NAT1: variants seen among roughly 807,000 people sequenced by gnomAD.
NAT1 encodes N-acetyltransferase 1, also known as arylamine N-acetyltransferase 1.
For synonymous variants in NAT1, 144 were observed against 122.6 expected, an observed-to-expected ratio of 1.17 and a Z score of -1.16; for missense variants, 400 against 339.2, an observed-to-expected ratio of 1.18 and a Z score of -1.41.
chr8:18,199,340 T>G (rs1803368691), intron 2 of NAT1, among the ~76,000 whole-genome samples: 1 of 150,910 alleles, frequency 6.6e-6, no homozygotes, highest in South Asian at 2.1e-4. Flanking sequence ...AAAAAAAAAT[T>G]TTTTTGTTTG....
chr8:18,178,339 T>A (rs1384220345), intron 2 of NAT1, among the ~76,000 whole-genome samples: 1 of 152,164 alleles, frequency 6.6e-6, no homozygotes, highest in Non-Finnish European at 1.5e-5. Context: ...CTACTGAACA[T>A]AAGTCAAAAG....
At chr8:18,210,232 A>T (rs1487865059) in intron 1 of NAT1, 52 bp downstream of exon 1, 1 of 151,974 alleles carries the variant, frequency 6.6e-6, no homozygotes, top group Non-Finnish European at 1.5e-5. Context: ...TCCTATCTCA[A>T]CTGTGAGTAC....
chr8:18,175,249 T>G (rs1802251718), intron 2 of NAT1, among the ~76,000 whole-genome samples: 1 of 152,062 alleles, frequency 6.6e-6, no homozygotes, highest in South Asian at 2.1e-4. Flanking sequence ...TTTTAGCAAT[T>G]ATGAAATATA....
intron 2 of NAT1, among the ~76,000 whole-genome samples, chr8:18,184,896 T>G (rs1370747330): frequency 6.6e-6 from 1 of 152,238 alleles, no homozygotes; most frequent in Non-Finnish European, 1.5e-5. Context: ...TGCAAAATTC[T>G]ATGACATTTT....
intron 2 of NAT1, among the ~76,000 whole-genome samples, chr8:18,203,723 A>T (rs998197515): frequency 6.6e-6 from 1 of 152,208 alleles, no homozygotes; most frequent in African/African-American, 2.4e-5. Context: ...TACCCTTTAT[A>T]GCCGTCCTTG....
At chr8:18,188,504 A>C (rs541256885) in intron 2 of NAT1, among the ~76,000 whole-genome samples, 2 of 152,280 alleles carry the variant, frequency 1.3e-5, no homozygotes, top group South Asian at 2.1e-4. Flanking sequence ...CTCAAGTTTA[A>C]GTCAAAAAAA....
chr8:18,189,332 AATCT>A (rs1451695654), intron 2 of NAT1, among the ~76,000 whole-genome samples: 1 of 152,162 alleles, frequency 6.6e-6, no homozygotes, highest in Non-Finnish European at 1.5e-5. Context: ...TTATGTTTGT[AATCT>A]GCTTTAATCA....
rs574216723 is a variant in NAT1, at chr8:18,171,064, G to C, written n.92+325G>C. On this transcript the variant is annotated intron_variant and non_coding_transcript_variant, in intron 2 of 4. Coordinates refer to the NAT1 transcript ENST00000517441. ...TGGGGTAGGTAATTTTGATCTTTTC[G>C]GCATTTGAATCCAGGGTTTTGTGCT... 2.0e-5 allele frequency among the ~76,000 whole-genome samples: 3 copies of C among 152,134 alleles called. No individual in the cohort carries two copies. In the South Asian group the frequency reaches 6.2e-4, roughly 32 times the overall value.
chr8:18,174,676 T>G (rs1191717271), intron 2 of NAT1, among the ~76,000 whole-genome samples: 1 of 151,986 alleles, frequency 6.6e-6, no homozygotes, highest in East Asian at 1.9e-4. Context: ...ATAATAATAT[T>G]TATTTATTTG....
chr8:18,171,040 G>A (rs1336094212), intron 2 of NAT1, among the ~76,000 whole-genome samples: 3 of 152,118 alleles, frequency 2.0e-5, no homozygotes, highest in Admixed American at 6.5e-5. Flanking sequence ...TAAAGGCCTT[G>A]GGGTAGGTAA....
intron 2 of NAT1, among the ~76,000 whole-genome samples, chr8:18,183,394 A>G (rs546682825): frequency 1.3e-5 from 2 of 152,328 alleles, no homozygotes; most frequent in African/African-American, 4.8e-5. Context: ...CGCATATAAA[A>G]TACATTAATT....
intron 2 of NAT1, among the ~76,000 whole-genome samples, chr8:18,177,133 T>C (rs1052603089): frequency 3.3e-5 from 5 of 152,118 alleles, no homozygotes; most frequent in African/African-American, 4.8e-5. Flanking sequence ...GTTTTGTATA[T>C]GTAAGATTAT....
At chr8:18,180,558 G>T (rs1383108229) in intron 2 of NAT1, among the ~76,000 whole-genome samples, 1 of 152,096 alleles carries the variant, frequency 6.6e-6, no homozygotes, top group Non-Finnish European at 1.5e-5. Flanking sequence ...CTAGAATAAT[G>T]CTGGCCTCAT....
intron 2 of NAT1, chr8:18,221,777 GC>G (rs1337013605): frequency 6.0e-6 from 2 of 332,708 alleles, no homozygotes; most frequent in African/African-American, 4.3e-5. Context: ...CCATGAACAA[GC>G]TGTTTATCAT....
rs56172717 is a variant in NAT1 at position 18,222,799 on chromosome 8, A to T, written c.752A>T (p.Asp251Val). 4,426 of 1,612,508 alleles carry T rather than the reference A, an allele frequency of 2.7e-3. 11 individuals carry two copies. Among genetic ancestry groups the T allele is most frequent in the Non-Finnish European group, 3.1e-3 (3,667 of 1,179,438 alleles). ...AGATTCAATTATAAGGACAATACAG[A>T]TCTAATAGAGTTCAAGACTCTGAGT... Reference protein sequence around the residue: ...HRRFNYKDNTDLIEFKTLSEE... With the variant: ...HRRFNYKDNTVLIEFKTLSEE... Residue 251 changes from aspartate to valine, a missense_variant, in exon 3 of 3, where the codon GAT (aspartate) becomes GTT (valine). Physicochemically the swap from Asp to Val is radical, Grantham distance 152 (BLOSUM62 -3). Transcript: ENST00000307719.
upstream of NAT1, among the ~76,000 whole-genome samples, chr8:18,207,851 A>G (rs779295650): frequency 6.6e-6 from 1 of 152,216 alleles, no homozygotes; most frequent in Non-Finnish European, 1.5e-5. Context: ...AATAGCAAAG[A>G]CATGGAATCA....
At chr8:18,219,562 AT>A in intron 2 of NAT1, 73 bp downstream of exon 2, 1 of 767,058 alleles carries the variant, frequency 1.3e-6, no homozygotes, top group South Asian at 1.7e-5. Flanking sequence ...TAAGTCTTAT[AT>A]TTATGATCAA....
upstream of NAT1, among the ~76,000 whole-genome samples, chr8:18,205,829 G>C (rs560013200): frequency 6.6e-6 from 1 of 152,266 alleles, no homozygotes; most frequent in South Asian, 2.1e-4. Context: ...TAGCTCCCAG[G>C]GCGCTGCAAG....
At chr8:18,215,091 A>G (rs932095947) in intron 1 of NAT1, among the ~76,000 whole-genome samples, 1 of 152,076 alleles carries the variant, frequency 6.6e-6, no homozygotes, top group Admixed American at 6.5e-5. Context: ...TCTGTCACTG[A>G]TGGGCATTTA....
Sources: gnomAD v4.1 joint callset for allele counts (sites outside exome capture counted in the v4.1 genomes callset) on GRCh38, gnomAD v4.1.1 for gene constraint, MANE v1.5 for transcripts, NCBI Gene and HGNC (gene_info 2026-07-23, HGNC 2026-07-21) for gene names.